The following MYO1E variants were observed in gnomAD, a reference collection of about 807,000 sequenced individuals.
MYO1E encodes unconventional myosin-Ie.
A neutral mutation model predicts 151.1 loss-of-function variants in MYO1E; 68 were observed. The observed-to-expected ratio is 0.45, with a 90% confidence interval of 0.37 to 0.55. MYO1E has a LOEUF of 0.55. Among genes scored for constraint, MYO1E ranks in the 20% least tolerant of loss-of-function variants. MYO1E has a pLI of 0.00. For missense variants in MYO1E, 1,363 were observed against 1,389.3 expected, an observed-to-expected ratio of 0.98 and a Z score of 0.30; for synonymous variants, 601 against 501.7, an observed-to-expected ratio of 1.20 and a Z score of -2.64.
At chr15:59,279,648 C>A (rs536718842) in intron 1 of MYO1E, among the ~76,000 whole-genome samples, 1 of 152,164 alleles carries the variant, frequency 6.6e-6, no homozygotes, top group African/African-American at 2.4e-5. Context: ...GACTGACCAT[C>A]AAACCACCCC....
chr15:59,329,156 C>CTCCT (rs1350312590), intron 1 of MYO1E, among the ~76,000 whole-genome samples: 1 of 152,182 alleles, frequency 6.6e-6, no homozygotes, highest in Non-Finnish European at 1.5e-5. Flanking sequence ...GTGTGTTGAG[C>CTCCT]TCCTCACTAT....
chr15:59,296,468 A>C (rs1160947650), intron 1 of MYO1E, among the ~76,000 whole-genome samples: 1 of 152,224 alleles, frequency 6.6e-6, no homozygotes, highest in Non-Finnish European at 1.5e-5. Context: ...TCTGCATGGC[A>C]GAGCGGGGGC....
At chr15:59,326,334 A>G (rs1197272854) in intron 1 of MYO1E, among the ~76,000 whole-genome samples, 1 of 152,052 alleles carries the variant, frequency 6.6e-6, no homozygotes, top group Non-Finnish European at 1.5e-5. Context: ...CCTGGCCAAC[A>G]TGGTGAAACC....
intron 9 of MYO1E, 21 bp downstream of exon 9, chr15:59,223,038 C>T: frequency 6.2e-7 from 1 of 1,613,552 alleles, no homozygotes; most frequent in Non-Finnish European, 8.5e-7. Context: ...CATTCAATGG[C>T]CACATGCCAG....
chr15:59,199,828 T>C (rs1195449587), intron 16 of MYO1E, among the ~76,000 whole-genome samples: 1 of 152,162 alleles, frequency 6.6e-6, no homozygotes, highest in African/African-American at 2.4e-5. Context: ...TGTCTGCAAA[T>C]TACTGTAGAT....
Position 59,137,377 on chromosome 15 carries a change from A to C in MYO1E, c.*3T>G. ...TGCCCCATGTGTCAGAGTCACGGGC[A>C]CCTCAGATCTTGGTCACATAGTTGT... On this transcript the variant is annotated 3_prime_UTR_variant, in exon 28 of 28. Coordinates refer to ENST00000288235, the MANE Select transcript of MYO1E (RefSeq NM_004998.4). 1 of 1,613,966 alleles carries C rather than the reference A, an allele frequency of 6.2e-7. No homozygotes were observed. Among genetic ancestry groups the C allele is most frequent in the African/African-American group, 1.3e-5 (1 of 75,020 alleles).
intron 1 of MYO1E, among the ~76,000 whole-genome samples, chr15:59,277,559 A>ACAACAACAACAAC (rs759403515): frequency 6.8e-6 from 1 of 147,216 alleles, no homozygotes; most frequent in African/African-American, 2.5e-5. Context: ...AAAAAAAAAA[A>ACAACAACAACAAC]AAAAAAAAAA....
chr15:59,209,084 T>C, intron 13 of MYO1E: 2 of 583,628 alleles, frequency 3.4e-6, no homozygotes, highest in Non-Finnish European at 6.1e-6. Flanking sequence ...CCTGAAGTTT[T>C]ATCCAAGAGT....
chr15:59,158,937 A>G lies in MYO1E; in HGVS notation c.2786-558T>C, dbSNP rs145996294. 8.4e-4 allele frequency among the ~76,000 whole-genome samples: 128 copies of G among 152,314 alleles called. 1 individual carries two copies. Among genetic ancestry groups the G allele is most frequent in the Middle Eastern group, 3.4e-3 (1 of 294 alleles). On this transcript the variant is annotated intron_variant, in intron 24 of 27. Coordinates refer to ENST00000288235, the MANE Select transcript of MYO1E (RefSeq NM_004998.4). The stretch of plus-strand genomic sequence containing the variant: ...ATGAGGAACAAGCTGGGGCCAAAGG[A>G]ACACACTGTGGGTCACAGTCAGGGC...
intron 6 of MYO1E, among the ~76,000 whole-genome samples, chr15:59,227,855 C>A (rs910604164): frequency 2.6e-5 from 4 of 152,146 alleles, no homozygotes; most frequent in African/African-American, 9.7e-5. Context: ...TCATTTTCCC[C>A]CAGTAGGTGC....
intron 14 of MYO1E, chr15:59,206,931 G>A: frequency 6.2e-7 from 1 of 1,605,264 alleles, no homozygotes; most frequent in Non-Finnish European, 8.5e-7. Flanking sequence ...CACTTCTTCA[G>A]TGAGCAGCCA....
rs1209586855 is a variant in MYO1E, at chr15:59,342,859, T to TA, written c.3+29638dup. Among the ~76,000 whole-genome samples, 9 of 152,340 alleles carry TA rather than the reference T, an allele frequency of 5.9e-5. No homozygotes were observed. The East Asian group carries it at 1.5e-3, about 26-fold the overall frequency. ...CCATTATTTTAAACTGATCACAACT[T>TA]AACATCGATTGCATAAACAAAAAGC... On this transcript the variant is annotated intron_variant, in intron 1 of 27. Coordinates refer to ENST00000288235, the MANE Select transcript of MYO1E (RefSeq NM_004998.4).
rs1176638909 is a variant in MYO1E, at chr15:59,159,199, C to G, written c.2786-820G>C. ...CTGCAGCTCTAGGGCCTGGGAGAAC[C>G]GACCACGTGGGATCGGGGCAAACCC... On this transcript the variant is annotated intron_variant, in intron 24 of 27. Transcript: ENST00000288235. This position sits in a 1 kb window ranked among gnomAD's most constrained non-coding sequence, Gnocchi z 4.4. Among the ~76,000 whole-genome samples the G allele has an allele frequency of 6.6e-6, 1 of 152,214 alleles. No homozygotes were observed. Among genetic ancestry groups the G allele is most frequent in the Non-Finnish European group, 1.5e-5 (1 of 68,024 alleles).
At chr15:59,307,358 G>A (rs1049020930) in intron 1 of MYO1E, among the ~76,000 whole-genome samples, 2 of 151,722 alleles carry the variant, frequency 1.3e-5, no homozygotes, top group African/African-American at 4.8e-5. Context: ...GTTTTCTATT[G>A]GAAGGAGAAC....
chr15:59,205,633 T>C (rs1467372640), intron 14 of MYO1E, 148 bp from the exon 15 acceptor site: 1 of 759,688 alleles, frequency 1.3e-6, no homozygotes, highest in Non-Finnish European at 2.3e-6. Context: ...GATTTCCAGA[T>C]GTTGCATTTG....
chr15:59,356,599 G>T (rs532785508), intron 1 of MYO1E, among the ~76,000 whole-genome samples: 1 of 152,278 alleles, frequency 6.6e-6, no homozygotes, highest in East Asian at 1.9e-4. Context: ...GTTTTTTGGG[G>T]TTTTTTGTTG....
chr15:59,156,100 C>T (rs943870979), intron 25 of MYO1E, among the ~76,000 whole-genome samples: 4 of 152,200 alleles, frequency 2.6e-5, no homozygotes, highest in African/African-American at 9.6e-5. Context: ...ATAGCCACCT[C>T]AGCCTCCCAC....
At chr15:59,242,371 G>A (rs896295153) in intron 4 of MYO1E, among the ~76,000 whole-genome samples, 6 of 152,158 alleles carry the variant, frequency 3.9e-5, no homozygotes, top group Non-Finnish European at 5.9e-5. Context: ...TGGTGTGGAC[G>A]TGTCAAGCAT....
chr15:59,250,688 C>CA (rs1238223537), intron 4 of MYO1E, among the ~76,000 whole-genome samples: 1 of 152,162 alleles, frequency 6.6e-6, no homozygotes, highest in Non-Finnish European at 1.5e-5. Context: ...CCTGAACATG[C>CA]AGCTGATGTC....
Sources: allele counts gnomAD v4.1 joint callset (sites outside exome capture counted in the v4.1 genomes callset), GRCh38; gene constraint gnomAD v4.1.1; non-coding constraint Gnocchi (gnomAD v3.1); transcripts MANE v1.5; gene names NCBI Gene and HGNC (gene_info 2026-07-23, HGNC 2026-07-21).